CDH13: variants seen among roughly 807,000 people sequenced by gnomAD.
The protein encoded by CDH13 is cadherin 13.
CDH13 carries 24 observed loss-of-function variants against 63.8 expected under a neutral mutation model. The observed-to-expected ratio is 0.38, with a 90% CI of 0.27 to 0.53. The LOEUF (loss-of-function observed/expected upper bound fraction) is 0.53. Ranked by LOEUF, CDH13 falls within the 20% of genes least tolerant of loss-of-function variation. CDH13 has a pLI of 0.85. For missense variants in CDH13, 1,049 were observed against 903.1 expected (o/e 1.16, Z -2.07); for synonymous variants, 503 against 355.3 (o/e 1.42, Z -4.67).
intron 1 of CDH13, among the ~76,000 whole-genome samples, chr16:82,811,382 T>C (rs748448355): frequency 6.6e-6 from 1 of 152,176 alleles, no homozygotes; most frequent in African/African-American, 2.4e-5. Flanking sequence ...GTGGCAGGTT[T>C]AGTAACTATT....
At chr16:83,122,590 A>G (rs1426349636) in intron 3 of CDH13, among the ~76,000 whole-genome samples, 6 of 152,324 alleles carry the variant, frequency 3.9e-5, no homozygotes, top group Admixed American at 1.3e-4. Flanking sequence ...AATGCCTGAC[A>G]TAGTTTGGGA....
intron 6 of CDH13, among the ~76,000 whole-genome samples, chr16:83,374,743 A>C (rs1373608187): frequency 1.3e-5 from 2 of 152,198 alleles, no homozygotes; most frequent in African/African-American, 4.8e-5. Context: ...CACACCTGAG[A>C]GTGTGAAAGA....
chr16:82,663,423 A>G (rs1046218659), intron 1 of CDH13, among the ~76,000 whole-genome samples: 1 of 151,920 alleles, frequency 6.6e-6, no homozygotes, highest in Non-Finnish European at 1.5e-5. Flanking sequence ...GACCTCAGAT[A>G]ATCCACACGC....
chr16:83,221,354 A>G (rs762537913), intron 5 of CDH13, among the ~76,000 whole-genome samples: 2 of 152,172 alleles, frequency 1.3e-5, no homozygotes, highest in Non-Finnish European at 2.9e-5. Context: ...GACCCAAAGT[A>G]GCACCTGGCA....
chr16:83,535,700 A>G (rs28559860), intron 7 of CDH13, among the ~76,000 whole-genome samples: 7,378 of 152,164 alleles, frequency 0.048, 231 homozygotes, highest in African/African-American at 0.085. Context: ...TTTCCCCAAG[A>G]TATGATAATG....
At chr16:83,273,266 A>G (rs1197074534) in intron 5 of CDH13, among the ~76,000 whole-genome samples, 1 of 152,038 alleles carries the variant, frequency 6.6e-6, no homozygotes, top group Non-Finnish European at 1.5e-5. Context: ...TGGTGTACAG[A>G]CGATTTTGTC....
At chr16:82,779,177 G>C (rs563252930) in intron 1 of CDH13, among the ~76,000 whole-genome samples, 1 of 152,280 alleles carries the variant, frequency 6.6e-6, no homozygotes, top group South Asian at 2.1e-4. Context: ...ATCCTTCTAA[G>C]TGCTTGACAA....
chr16:82,927,503 C>T (rs914996959), intron 2 of CDH13, among the ~76,000 whole-genome samples: 3 of 152,030 alleles, frequency 2.0e-5, no homozygotes, highest in African/African-American at 7.3e-5. Flanking sequence ...TTTAGAAGAC[C>T]CAAAACAGAT....
rs143286257 is a variant in CDH13, at chr16:83,722,375, A to G, written c.1539-25733A>G. Among the ~76,000 whole-genome samples, 214 of 152,332 alleles carry G rather than the reference A, an allele frequency of 1.4e-3. 1 individual carries two copies. Among genetic ancestry groups the G allele is most frequent in the African/African-American group, 4.9e-3 (205 of 41,580 alleles). ...GTTATTCGTAGGGAGATGGTGTAGC[A>G]GTGTTGCCCTAGAGCCAATTCATAG... On this transcript the variant is annotated intron_variant, in intron 10 of 13. Transcript: ENST00000567109.
Position 83,710,207 on chromosome 16 carries a change from C to T in CDH13, c.1538+31746C>T, listed in dbSNP as rs188283066. 1.5e-3 allele frequency: 226 copies of T among 152,326 alleles called. 1 individual carries two copies. The highest frequency in any genetic ancestry group is 5.0e-3 in the African/African-American group (208 of 41,574). 9.4% of individuals were successfully genotyped at this position (152,326 alleles called of 1,614,324 possible). ...TCAGGGGGGACAATTGAAGTTGCCGCTTCTCCACTCTCCCCAATTAGAAGT... is the reference window on the plus strand; with the variant it reads ...TCAGGGGGGACAATTGAAGTTGCCGTTTCTCCACTCTCCCCAATTAGAAGT... On this transcript the variant is annotated intron_variant, in intron 10 of 13. Coordinates refer to ENST00000567109, the MANE Select transcript of CDH13 (RefSeq NM_001257.5).
At chr16:83,087,095 T>C (rs910346000) in intron 3 of CDH13, among the ~76,000 whole-genome samples, 6 of 152,086 alleles carry the variant, frequency 3.9e-5, no homozygotes, top group African/African-American at 1.4e-4. Context: ...CAAAAAACAA[T>C]CAATGAACCA....
intron 8 of CDH13, among the ~76,000 whole-genome samples, chr16:83,622,123 G>A (rs917491768): frequency 1.9e-4 from 29 of 152,174 alleles, no homozygotes; most frequent in African/African-American, 9.7e-5. Flanking sequence ...GGCACTGTTC[G>A]AGATGCTTTG....
intron 8 of CDH13, among the ~76,000 whole-genome samples, chr16:83,654,570 A>G (rs950300684): frequency 6.6e-6 from 1 of 152,136 alleles, no homozygotes; most frequent in African/African-American, 2.4e-5. Context: ...TAGCCCCAGG[A>G]TGAGGAAACA....
chr16:83,672,821 C>A (rs934354308), intron 9 of CDH13, among the ~76,000 whole-genome samples: 1 of 152,136 alleles, frequency 6.6e-6, no homozygotes. Flanking sequence ...TGTCTATTTA[C>A]CCAAGTTTTA....
chr16:83,486,789 G>A, intron 7 of CDH13, 134 bp downstream of exon 7: 2 of 784,552 alleles, frequency 2.5e-6, no homozygotes, highest in South Asian at 1.8e-5. Flanking sequence ...CCATGTTTTG[G>A]TGGGGAAAAT....
At chr16:83,402,707 G>C (rs1181216651) in intron 6 of CDH13, among the ~76,000 whole-genome samples, 3 of 152,144 alleles carry the variant, frequency 2.0e-5, no homozygotes, top group African/African-American at 4.8e-5. Context: ...TTAGCATAGT[G>C]CCCAACACTC....
At chr16:83,569,419 A>C (rs940108026) in intron 7 of CDH13, among the ~76,000 whole-genome samples, 11 of 152,212 alleles carry the variant, frequency 7.2e-5, no homozygotes, top group African/African-American at 2.4e-4. Flanking sequence ...TTGGGGAGTA[A>C]CTTTAGACAA....
intron 5 of CDH13, among the ~76,000 whole-genome samples, chr16:83,342,730 A>AT (rs1168875200): frequency 6.6e-6 from 1 of 151,410 alleles, no homozygotes; most frequent in Admixed American, 6.6e-5. Context: ...GTGAATTCTG[A>AT]TTACCTATCC....
intron 1 of CDH13, among the ~76,000 whole-genome samples, chr16:82,710,552 A>AATATATATATATATATATATATAT (rs1555537840): frequency 1.6e-5 from 1 of 63,768 alleles, no homozygotes; most frequent in Non-Finnish European, 3.0e-5. Flanking sequence ...AAAAAAAAAA[A>AATATATATATATATATATATATAT]ATATATATAT....
Sources: allele counts gnomAD v4.1 joint callset (sites outside exome capture counted in the v4.1 genomes callset), GRCh38; gene constraint gnomAD v4.1.1; transcripts MANE v1.5; gene names NCBI Gene and HGNC (gene_info 2026-07-23, HGNC 2026-07-21).